The following PCSK2 variants were observed in gnomAD, a reference collection of about 807,000 sequenced individuals.
The protein encoded by PCSK2 is proprotein convertase subtilisin/kexin type 2.
A neutral mutation model predicts 69.7 loss-of-function variants in PCSK2; 14 were observed. The observed-to-expected ratio is 0.20, with a 90% CI of 0.13 to 0.31. The LOEUF is 0.31. Among genes scored for constraint, PCSK2 ranks in the 10% least tolerant of loss-of-function variants. The pLI is 1.00. For missense variants in PCSK2, 544 were observed against 842.5 expected, an observed-to-expected ratio of 0.65 and a Z score of 4.39; for synonymous variants, 307 against 320.7, an observed-to-expected ratio of 0.96 and a Z score of 0.46.
intron 1 of PCSK2, among the ~76,000 whole-genome samples, chr20:17,251,677 G>T (rs987221771): frequency 1.3e-5 from 2 of 152,172 alleles, no homozygotes; most frequent in Non-Finnish European, 1.5e-5. Context: ...ACTTGTTTCT[G>T]TAGTCCATTG....
intron 2 of PCSK2, among the ~76,000 whole-genome samples, chr20:17,280,435 G>A (rs1371517345): frequency 6.6e-6 from 1 of 152,170 alleles, no homozygotes; most frequent in Non-Finnish European, 1.5e-5. Context: ...TTTTGGTCTT[G>A]TAATTATGCC....
intron 2 of PCSK2, among the ~76,000 whole-genome samples, chr20:17,272,203 C>A (rs1452631576): frequency 6.6e-6 from 1 of 152,168 alleles, no homozygotes; most frequent in Non-Finnish European, 1.5e-5. Context: ...TTACACCTCT[C>A]TGAACATTAC....
At chr20:17,433,571 G>C (rs2032410802) in intron 7 of PCSK2, among the ~76,000 whole-genome samples, 1 of 152,170 alleles carries the variant, frequency 6.6e-6, no homozygotes, top group African/African-American at 2.4e-5. Flanking sequence ...GGGGCACCAG[G>C]GCTAGCCACA....
At chr20:17,361,519 AG>A (rs1273006765) in intron 4 of PCSK2, among the ~76,000 whole-genome samples, 1 of 152,222 alleles carries the variant, frequency 6.6e-6, no homozygotes, top group African/African-American at 2.4e-5. Context: ...GCCAGCAAAA[AG>A]CTCTACTGTG....
chr20:17,481,107 G>A (rs1399312505), intron 11 of PCSK2, among the ~76,000 whole-genome samples: 1 of 152,122 alleles, frequency 6.6e-6, no homozygotes, highest in African/African-American at 2.4e-5. Flanking sequence ...ACAGCCGGGC[G>A]TGGTGGCTCA....
chr20:17,322,933 G>A (rs2424069), intron 2 of PCSK2, among the ~76,000 whole-genome samples: 11,500 of 152,036 alleles, frequency 0.076, 503 homozygotes, highest in East Asian at 0.11. Context: ...GCGTGATCTC[G>A]GCTTACTACA....
chr20:17,329,003 G>A (rs925771960), intron 2 of PCSK2, among the ~76,000 whole-genome samples: 12 of 152,152 alleles, frequency 7.9e-5, no homozygotes, highest in South Asian at 4.1e-4. Flanking sequence ...TTTTCAGAAC[G>A]TGGTTGCTAT....
intron 2 of PCSK2, among the ~76,000 whole-genome samples, chr20:17,315,391 C>T (rs1881048623): frequency 6.6e-6 from 1 of 152,188 alleles, no homozygotes; most frequent in Non-Finnish European, 1.5e-5. Flanking sequence ...GACCCGTGAG[C>T]TTGGTTGACC....
chr20:17,375,140 A>T (rs1300019193), intron 5 of PCSK2, among the ~76,000 whole-genome samples: 2 of 152,214 alleles, frequency 1.3e-5, no homozygotes, highest in African/African-American at 4.8e-5. Context: ...CTCAATAAGC[A>T]TTCATTTCCT....
At chr20:17,382,571 C>T (rs1245745008) in intron 5 of PCSK2, among the ~76,000 whole-genome samples, 1 of 152,178 alleles carries the variant, frequency 6.6e-6, no homozygotes, top group Non-Finnish European at 1.5e-5. Flanking sequence ...CCCTCAGCCA[C>T]CCTATCTGCC....
intron 5 of PCSK2, among the ~76,000 whole-genome samples, chr20:17,408,438 T>C (rs1008388410): frequency 6.6e-6 from 1 of 152,110 alleles, no homozygotes. Context: ...TTTTAGTGGC[T>C]ACATAATTAT....
chr20:17,363,673 G>A (rs1038647288), intron 4 of PCSK2, among the ~76,000 whole-genome samples: 7 of 152,188 alleles, frequency 4.6e-5, no homozygotes, highest in Admixed American at 4.6e-4. Context: ...ATTATCAGAT[G>A]GAGCCAAGGA....
intron 1 of PCSK2, among the ~76,000 whole-genome samples, chr20:17,234,739 G>A (rs556038623): frequency 6.6e-4 from 100 of 152,164 alleles, no homozygotes; most frequent in Non-Finnish European, 4.4e-4. Flanking sequence ...AGATCATAAC[G>A]TCATAGCACA....
rs567338306 is a variant in PCSK2 at position 17,284,925 on chromosome 20, A to C, written c.282+24581A>C. Reference sequence around the variant, plus strand: ...ATTTCATTACTCTGTGGGGGGTTTCAAACTGGTTGGCAACAACTGTTTTGC... The same window carrying C: ...ATTTCATTACTCTGTGGGGGGTTTCCAACTGGTTGGCAACAACTGTTTTGC... On this transcript the variant is annotated intron_variant, in intron 2 of 11. Coordinates refer to ENST00000262545, the MANE Select transcript of PCSK2 (RefSeq NM_002594.5). Among the ~76,000 whole-genome samples the C allele has an allele frequency of 1.1e-4, 16 of 152,346 alleles. No individual in the cohort carries two copies. The South Asian group carries it at 3.1e-3, about 30-fold the overall frequency.
intron 1 of PCSK2, among the ~76,000 whole-genome samples, chr20:17,238,730 G>GT (rs957748829): frequency 2.6e-5 from 4 of 152,008 alleles, no homozygotes; most frequent in Admixed American, 6.5e-5. Flanking sequence ...TTTTTGGTTT[G>GT]TTTTTTTACC....
At chr20:17,366,799 C>T (rs551929125) in intron 4 of PCSK2, among the ~76,000 whole-genome samples, 13 of 152,112 alleles carry the variant, frequency 8.5e-5, no homozygotes, top group Non-Finnish European at 1.6e-4. Context: ...AATTTAAGAT[C>T]GTTTATTTTA....
At chr20:17,283,561 A>G (rs1988398768) in intron 2 of PCSK2, among the ~76,000 whole-genome samples, 1 of 152,240 alleles carries the variant, frequency 6.6e-6, no homozygotes. Flanking sequence ...CCATACCTTA[A>G]GTACCTACGA....
In PCSK2 at chr20:17,263,052, A is replaced by C. The variant is rs1025852513; in HGVS notation, c.282+2708A>C. On this transcript the variant is annotated intron_variant, in intron 2 of 11. Transcript: ENST00000262545. Reference sequence around the variant, plus strand: ...CCCAGGGAGGGTGGTCTGAGCTGCTATTCGCTTTCAGGGCTTCATCTACTG... The same window carrying C: ...CCCAGGGAGGGTGGTCTGAGCTGCTCTTCGCTTTCAGGGCTTCATCTACTG... The C allele has an allele frequency of 6.1e-6, 4 of 659,574 alleles. No individual in the cohort carries two copies. The Admixed American group carries it at 1.9e-4, about 31-fold the overall frequency. 40.9% of individuals were successfully genotyped at this position (659,574 alleles called of 1,614,324 possible).
intron 10 of PCSK2, among the ~76,000 whole-genome samples, chr20:17,461,356 A>AGAG (rs776014848): frequency 1.3e-5 from 2 of 152,246 alleles, no homozygotes; most frequent in African/African-American, 2.4e-5. Flanking sequence ...ATCAAAATTT[A>AGAG]GAGGATAGAC....
Sources: allele counts gnomAD v4.1 joint callset (sites outside exome capture counted in the v4.1 genomes callset), GRCh38; gene constraint gnomAD v4.1.1; transcripts MANE v1.5; gene names NCBI Gene and HGNC (gene_info 2026-07-23, HGNC 2026-07-21).